The following KIAA1671 variants were observed in gnomAD, a reference collection of about 807,000 sequenced individuals.
The protein encoded by KIAA1671 is uncharacterized protein KIAA1671.
A neutral mutation model predicts 131.2 loss-of-function variants in KIAA1671; 52 were observed. The observed-to-expected ratio is 0.40, with a 90% CI of 0.32 to 0.50. The LOEUF is 0.50. Ranked by LOEUF, KIAA1671 falls within the 20% of genes least tolerant of loss-of-function variation. The pLI is 0.73. For synonymous variants in KIAA1671, 1,003 were observed against 961.6 expected (o/e 1.04, Z -0.80); for missense variants, 2,360 against 2,364.2 (o/e 1.00, Z 0.04).
At chr22:24,953,819 C>G (rs1896945842) in intron 1 of KIAA1671, among the ~76,000 whole-genome samples, 1 of 152,182 alleles carries the variant, frequency 6.6e-6, no homozygotes, top group South Asian at 2.1e-4. Context: ...ACTGAACTTT[C>G]TCTAGCCAGG....
chr22:25,133,257 G>A (rs563984259), intron 6 of KIAA1671, among the ~76,000 whole-genome samples: 1 of 152,224 alleles, frequency 6.6e-6, no homozygotes, highest in African/African-American at 2.4e-5. Context: ...TGACTTGATT[G>A]GGGAAATCTC....
chr22:25,115,911 G>A (rs912313668), intron 6 of KIAA1671, among the ~76,000 whole-genome samples: 2 of 152,028 alleles, frequency 1.3e-5, no homozygotes, highest in African/African-American at 4.8e-5. Context: ...CCAGTAGCTG[G>A]GATTACAGGT....
intron 1 of KIAA1671, among the ~76,000 whole-genome samples, chr22:25,017,501 T>C (rs1173318459): frequency 2.6e-5 from 4 of 152,222 alleles, no homozygotes; most frequent in African/African-American, 9.6e-5. Flanking sequence ...CTGTTTTAGC[T>C]AGTCCTCAAT....
intron 6 of KIAA1671, among the ~76,000 whole-genome samples, chr22:25,092,329 C>CA (rs1568950196): frequency 6.6e-6 from 1 of 152,162 alleles, no homozygotes; most frequent in Non-Finnish European, 1.5e-5. Context: ...GAGGGAACAG[C>CA]ACGTGCAAAG....
In KIAA1671 at chr22:25,039,061, G is replaced by A. The variant is rs73157984; in HGVS notation, c.1931G>A (p.Arg644His). ...CCCCCTGGTGACATGGCCCATGCCC[G>A]TGTCTCAGAACCCAGGCCGAGGCCT... ...TTPPGDMAHA[R>H]VSEPRPRPEM... Residue 644 changes from arginine (R) to histidine (H), a missense_variant, in exon 5 of 13, where the codon CGT becomes CAT. By Grantham distance (29) the Arg-to-His change is conservative. Transcript: ENST00000358431. The A allele has an allele frequency of 5.2e-6, 8 of 1,551,526 alleles. No homozygotes were observed. Among genetic ancestry groups the A allele is most frequent in the South Asian group, 2.4e-5 (2 of 84,066 alleles).
chr22:25,147,315 C>T (rs1475467706), intron 6 of KIAA1671, among the ~76,000 whole-genome samples: 1 of 152,000 alleles, frequency 6.6e-6, no homozygotes, highest in Non-Finnish European at 1.5e-5. Context: ...GCCTCAGCCT[C>T]CTGAGTAGCT....
chr22:25,126,977 A>C (rs926980970), intron 6 of KIAA1671, among the ~76,000 whole-genome samples: 5 of 152,164 alleles, frequency 3.3e-5, no homozygotes, highest in African/African-American at 1.2e-4. Flanking sequence ...TCTCCATTAC[A>C]CTGGCTATGG....
At chr22:24,966,277 C>T (rs944998279) in intron 1 of KIAA1671, among the ~76,000 whole-genome samples, 2 of 152,162 alleles carry the variant, frequency 1.3e-5, no homozygotes, top group African/African-American at 2.4e-5. Flanking sequence ...GATGGCTTAG[C>T]GAGCACTGCC....
rs1221780807 is a variant in KIAA1671 at position 25,028,723 on chromosome 22, C to A, written c.724C>A (p.Pro242Thr). The change falls in exon 3 of 13, where the codon CCC becomes ACC. Residue 242 changes from proline to threonine, a missense_variant. This residue lies in a region of KIAA1671 where 1,185 missense variants were observed against 1,126.2 expected (regional missense o/e 1.05). Transcript: ENST00000358431. ...VEPRPRLKRR[P>T]VSAIFTESIQ... is the part of the protein sequence containing the mutation. ...GCCCAGGCCTCGCCTGAAGAGAAGG[C>A]CCGTGTCTGCCATTTTCACGGAGTC... is the stretch of plus-strand genomic sequence containing the variant. 4 of 1,551,232 alleles carry A rather than the reference C, an allele frequency of 2.6e-6. No homozygotes were observed. Among genetic ancestry groups the A allele is most frequent in the East Asian group, 2.4e-5 (1 of 40,922 alleles).
chr22:25,118,833 C>T (rs1447564121), intron 6 of KIAA1671, among the ~76,000 whole-genome samples: 4 of 152,124 alleles, frequency 2.6e-5, no homozygotes, highest in African/African-American at 9.7e-5. Context: ...TCCTGCTCTT[C>T]GTCAGTCACC....
chr22:25,042,245 C>T (rs1602092102), intron 5 of KIAA1671, among the ~76,000 whole-genome samples: 1 of 152,198 alleles, frequency 6.6e-6, no homozygotes. Context: ...ACACTTCTGT[C>T]CTACAATGAC....
chr22:25,014,115 G>A lies in KIAA1671; in HGVS notation c.-207-11518G>A, dbSNP rs559727232. ...GTATGTGGATGTTCATTGCAATGTT[G>A]GTTTTAAGGTTCACTAATTGACAGG... is the stretch of plus-strand genomic sequence containing the variant. On this transcript the variant is annotated intron_variant, in intron 1 of 12. Transcript: ENST00000358431. The A allele has an allele frequency of 2.0e-5, 3 of 152,278 alleles. No individual in the cohort carries two copies. In the South Asian group the frequency reaches 6.2e-4, roughly 32 times the overall value. 9.4% of individuals were successfully genotyped at this position (152,278 alleles called of 1,614,324 possible).
chr22:25,047,645 G>T (rs960839262), intron 5 of KIAA1671, among the ~76,000 whole-genome samples: 1 of 151,752 alleles, frequency 6.6e-6, no homozygotes, highest in Admixed American at 6.6e-5. Flanking sequence ...GCTAATTTTC[G>T]TATTTGTAGT....
intron 6 of KIAA1671, among the ~76,000 whole-genome samples, chr22:25,164,897 G>T (rs540422624): frequency 6.7e-6 from 1 of 150,374 alleles, no homozygotes. Context: ...GCAGTGAGCC[G>T]AGATTGTCCT....
chr22:25,094,549 TGA>T (rs1271826478), intron 6 of KIAA1671, among the ~76,000 whole-genome samples: 1 of 152,062 alleles, frequency 6.6e-6, no homozygotes, highest in Non-Finnish European at 1.5e-5. Context: ...ATGGGACCAG[TGA>T]GTTCATTTTA....
chr22:25,125,923 G>A (rs890087492), intron 6 of KIAA1671, among the ~76,000 whole-genome samples: 5 of 152,216 alleles, frequency 3.3e-5, no homozygotes, highest in African/African-American at 9.7e-5. Flanking sequence ...GATTCCTGGT[G>A]TAATTTTGGG....
chr22:24,978,262 AC>A (rs1253831155), intron 1 of KIAA1671, among the ~76,000 whole-genome samples: 1 of 152,112 alleles, frequency 6.6e-6, no homozygotes, highest in Non-Finnish European at 1.5e-5. Context: ...ATTAAGTCTC[AC>A]GAGATCTGAT....
chr22:25,187,263 G>A (rs1285880006), intron 11 of KIAA1671, among the ~76,000 whole-genome samples: 2 of 152,184 alleles, frequency 1.3e-5, no homozygotes, highest in African/African-American at 4.8e-5. Context: ...AGTGACTGTA[G>A]AAAATACAAA....
At chr22:25,093,750 C>CTCTT (rs1930188229) in intron 6 of KIAA1671, among the ~76,000 whole-genome samples, 3 of 118,938 alleles carry the variant, frequency 2.5e-5, no homozygotes, top group Non-Finnish European at 5.3e-5. Context: ...CTCTCTCTCT[C>CTCTT]TCTCTCTCTC....
Sources: gnomAD v4.1 joint callset for allele counts (sites outside exome capture counted in the v4.1 genomes callset) on GRCh38, gnomAD v4.1.1 for gene constraint, gnomAD v4.1.1 regional missense constraint, MANE v1.5 for transcripts, NCBI Gene and HGNC (gene_info 2026-07-23, HGNC 2026-07-21) for gene names.